GDAP1: variants seen among roughly 807,000 people sequenced by gnomAD.
The protein encoded by GDAP1 is ganglioside-induced differentiation-associated protein 1.
GDAP1 carries 34 observed loss-of-function variants against 40.1 expected under a neutral mutation model. The ratio of observed to expected loss-of-function variants is 0.85; its 90% CI spans 0.64 to 1.13. The LOEUF is 1.13. GDAP1 is among the 50% of genes most tolerant of loss of function. GDAP1 has a pLI of 0.00. For synonymous variants in GDAP1, 170 were observed against 157.4 expected, an observed-to-expected ratio of 1.08 and a Z score of -0.60; for missense variants, 374 against 433.7, an observed-to-expected ratio of 0.86 and a Z score of 1.22.
At chr8:74,402,570 G>A (rs1470188864) in intron 2 of GDAP1, among the ~76,000 whole-genome samples, 6 of 150,090 alleles carry the variant, frequency 4.0e-5, no homozygotes, top group Non-Finnish European at 7.3e-5. Flanking sequence ...ACTGTCCTGC[G>A]CCCACTTCTG....
intron 2 of GDAP1, among the ~76,000 whole-genome samples, chr8:74,353,704 C>T (rs552165713): frequency 2.0e-5 from 3 of 152,292 alleles, no homozygotes; most frequent in African/African-American, 7.2e-5. Flanking sequence ...CCTTAGAGCT[C>T]TCTGCAGACC....
intron 2 of GDAP1, among the ~76,000 whole-genome samples, chr8:74,486,984 T>C (rs1328933621): frequency 2.6e-5 from 4 of 152,168 alleles, no homozygotes; most frequent in Non-Finnish European, 5.9e-5. Flanking sequence ...TAACAAGCTA[T>C]GTAACCATTC....
chr8:74,446,160 A>G (rs1365425573), intron 2 of GDAP1, among the ~76,000 whole-genome samples: 1 of 152,176 alleles, frequency 6.6e-6, no homozygotes, highest in African/African-American at 2.4e-5. Context: ...GTTGTGGATT[A>G]AGGGAGATTA....
intron 2 of GDAP1, among the ~76,000 whole-genome samples, chr8:74,398,456 G>A (rs1396930096): frequency 4.6e-5 from 7 of 152,138 alleles, no homozygotes; most frequent in South Asian, 2.1e-4. Flanking sequence ...GGCTGAAGAC[G>A]ATGGGGTTTT....
At position 74,482,712 on chromosome 8, in the gene GDAP1, G is replaced by A. The variant is rs538806232; in HGVS notation, c.166-5966G>A. Among the ~76,000 whole-genome samples, 11 of 152,128 alleles carry A rather than the reference G, an allele frequency of 7.2e-5. No homozygotes were observed. In the South Asian group the frequency reaches 2.3e-3, roughly 32 times the overall value. ...ATATGACAGCCTCTCTTTCCTTATTGTAAGTGAGAAAGGCACACTTACTGG... is the reference window on the plus strand; with the variant it reads ...ATATGACAGCCTCTCTTTCCTTATTATAAGTGAGAAAGGCACACTTACTGG... On this transcript the variant is annotated intron_variant, in intron 2 of 2. Coordinates refer to the GDAP1 transcript ENST00000523640.
chr8:74,471,990 A>C (rs546471508), intron 2 of GDAP1, among the ~76,000 whole-genome samples: 1 of 152,258 alleles, frequency 6.6e-6, no homozygotes, highest in East Asian at 1.9e-4. Flanking sequence ...CAGGTTTGTT[A>C]TATAGGTAAA....
At chr8:74,447,321 G>A (rs1211433190) in intron 2 of GDAP1, among the ~76,000 whole-genome samples, 2 of 151,900 alleles carry the variant, frequency 1.3e-5, no homozygotes, top group Non-Finnish European at 2.9e-5. Context: ...CTGTGAAGTT[G>A]GTAATTATTA....
At chr8:74,411,095 T>C (rs756721483) in intron 2 of GDAP1, among the ~76,000 whole-genome samples, 11 of 149,964 alleles carry the variant, frequency 7.3e-5, no homozygotes, top group Non-Finnish European at 1.6e-4. Flanking sequence ...CTCTCTTTCC[T>C]GCCGCCTTGT....
intron 2 of GDAP1, among the ~76,000 whole-genome samples, chr8:74,422,319 TTCTTTCTTTCTTTC>T (rs1805876211): frequency 1.8e-5 from 1 of 54,190 alleles, no homozygotes; most frequent in Non-Finnish European, 3.2e-5. Context: ...CTTTCTTTCT[TTCTTTCTTTCTTTC>T]TTTCTTTCTT....
intron 2 of GDAP1, among the ~76,000 whole-genome samples, chr8:74,443,302 T>TA (rs1284260705): frequency 6.6e-6 from 1 of 152,156 alleles, no homozygotes; most frequent in African/African-American, 2.4e-5. Context: ...GTTAGTCCAG[T>TA]ACAAACAAGC....
rs949101001 is a variant in GDAP1 at position 74,402,263 on chromosome 8, C to T, written c.165+50942C>T. ...CTAAGCAAGCCTGGGCAATGGCGGG[C>T]GCCCCTCCCCCAGCCTCGCTGCCAC... On this transcript the variant is annotated intron_variant, in intron 2 of 2. Transcript: ENST00000523640. Among the ~76,000 whole-genome samples the T allele has an allele frequency of 8.0e-5, 12 of 150,370 alleles. 1 individual carries two copies. Among genetic ancestry groups the T allele is most frequent in the African/African-American group, 1.5e-4 (6 of 39,748 alleles).
At chr8:74,362,491 C>T (rs190169029) in intron 4 of GDAP1, among the ~76,000 whole-genome samples, 13 of 152,278 alleles carry the variant, frequency 8.5e-5, no homozygotes, top group African/African-American at 3.1e-4. Flanking sequence ...CGTAGCTAAA[C>T]GAGCTCCTCA....
intron 2 of GDAP1, among the ~76,000 whole-genome samples, chr8:74,353,252 T>C (rs908135399): frequency 2.0e-5 from 3 of 152,206 alleles, no homozygotes; most frequent in African/African-American, 7.2e-5. Flanking sequence ...ATATGGAAAG[T>C]GCAGACTTTA....
chr8:74,368,132 C>T (rs1809691524), downstream of GDAP1, among the ~76,000 whole-genome samples: 1 of 152,002 alleles, frequency 6.6e-6, no homozygotes, highest in Non-Finnish European at 1.5e-5. Flanking sequence ...CATTGAAATC[C>T]CTTAGTAGGA....
intron 2 of GDAP1, among the ~76,000 whole-genome samples, chr8:74,432,053 A>G (rs182586952): frequency 6.6e-6 from 1 of 152,236 alleles, no homozygotes; most frequent in African/African-American, 2.4e-5. Context: ...CATGCCTATT[A>G]TTATTTTCTC....
Position 74,362,977 on chromosome 8 carries a change from G to A in GDAP1, c.618G>A (p.Lys206=), listed in dbSNP as rs780629692. Residue 206 remains lysine (K), a synonymous_variant, in exon 5 of 6, where the codon AAG becomes AAA. Transcript: ENST00000220822. ...LLDHDNVKYL[K]KILDELEKVL... Reference sequence around the variant, plus strand: ...ATCATGACAATGTCAAGTATTTGAAGAAAATTCTTGATGAGTTGGAGAAAG... The same window carrying A: ...ATCATGACAATGTCAAGTATTTGAAAAAAATTCTTGATGAGTTGGAGAAAG... The A allele has an allele frequency of 1.3e-6, 2 of 1,588,464 alleles. No homozygotes were observed. The highest frequency in any genetic ancestry group is 1.7e-6 in the Non-Finnish European group (2 of 1,156,926).
chr8:74,360,122 G>T lies in GDAP1; in HGVS notation c.311-15G>T. 6.3e-7 allele frequency: 1 copy of T among 1,595,594 alleles called. No individual in the cohort carries two copies. The highest frequency in any genetic ancestry group is 8.6e-7 in the Non-Finnish European group (1 of 1,163,204). On this transcript the variant is annotated splice_polypyrimidine_tract_variant and intron_variant, in intron 2 of 5. Coordinates refer to ENST00000220822, the MANE Select transcript of GDAP1 (RefSeq NM_018972.4). ...GTGTAACTTTTTCTTCAATATTTGT[G>T]TGTGTGTATTTTAGAAAGAACACCC...
chr8:74,359,309 A>G (rs1366570423), intron 2 of GDAP1, among the ~76,000 whole-genome samples: 1 of 152,186 alleles, frequency 6.6e-6, no homozygotes, highest in African/African-American at 2.4e-5. Context: ...GAATGTATTC[A>G]TTGTAATTTA....
chr8:74,385,700 C>T (rs914574608), intron 2 of GDAP1, among the ~76,000 whole-genome samples: 1 of 152,054 alleles, frequency 6.6e-6, no homozygotes, highest in Non-Finnish European at 1.5e-5. Context: ...TGGGTATATA[C>T]CTAGTAATGG....
Sources: gnomAD v4.1 joint callset for allele counts (sites outside exome capture counted in the v4.1 genomes callset) on GRCh38, gnomAD v4.1.1 for gene constraint, MANE v1.5 for transcripts, NCBI Gene and HGNC (gene_info 2026-07-23, HGNC 2026-07-21) for gene names.